The following KIFC3 variants were observed in gnomAD, a reference collection of about 807,000 sequenced individuals.
The protein encoded by KIFC3 is kinesin-like protein KIFC3.
Under a neutral mutation model 101.8 loss-of-function variants are expected in KIFC3, and 60 were observed. That is an observed-to-expected ratio of 0.59 (90% confidence interval 0.48 to 0.73). The LOEUF is 0.73. Among genes scored for constraint, KIFC3 ranks in the 30% least tolerant of loss-of-function variants. The pLI is 0.00. For synonymous variants in KIFC3, 476 were observed against 482.7 expected (o/e 0.99, Z 0.18); for missense variants, 966 against 1,137.1 (o/e 0.85, Z 2.16).
chr16:57,797,592 C>A, intron 2 of KIFC3: 2 of 671,290 alleles, frequency 3.0e-6, no homozygotes, highest in Non-Finnish European at 3.8e-6. Context: ...CCCCAAGCCC[C>A]GCCAGGCCAC....
intron 18 of KIFC3, 53 bp from the exon 19 acceptor site, chr16:57,759,206 C>A: frequency 5.2e-6 from 8 of 1,543,914 alleles, no homozygotes; most frequent in Non-Finnish European, 7.0e-6. Flanking sequence ...GGGCCAGTAC[C>A]CCACAAGACC....
At chr16:57,765,364 CTT>C in intron 11 of KIFC3, 93 bp downstream of exon 11, 1 of 1,287,366 alleles carries the variant, frequency 7.8e-7, no homozygotes, top group South Asian at 1.5e-5. Flanking sequence ...ACCCCCCACT[CTT>C]AACGCTTCTT....
chr16:57,833,559 A>G (rs2055627182), intron 1 of KIFC3, among the ~76,000 whole-genome samples: 1 of 152,118 alleles, frequency 6.6e-6, no homozygotes, highest in Admixed American at 6.6e-5. Flanking sequence ...TGTCCCAAGC[A>G]CACTCTTCCT....
In KIFC3 at chr16:57,814,359, G is replaced by A. The variant is rs2055167555; in HGVS notation, c.109-16077C>T. On this transcript the variant is annotated intron_variant, in intron 1 of 2. Transcript: ENST00000563028. The stretch of plus-strand genomic sequence containing the variant: ...ACCTAGCACTGGATTCACAACTGTG[G>A]GGGACTGTTAGTCTCCTACATTAGA... Among the ~76,000 whole-genome samples the A allele has an allele frequency of 2.0e-5, 3 of 152,242 alleles. No homozygotes were observed. The South Asian group carries it at 6.2e-4, about 32-fold the overall frequency.
intron 1 of KIFC3, among the ~76,000 whole-genome samples, chr16:57,831,127 T>C (rs2055572413): frequency 6.6e-6 from 1 of 152,188 alleles, no homozygotes; most frequent in South Asian, 2.1e-4. Flanking sequence ...AAGGTCTAAG[T>C]AATAAGCAGA....
chr16:57,848,196 A>G (rs1254302349), intron 1 of KIFC3, among the ~76,000 whole-genome samples: 2 of 152,188 alleles, frequency 1.3e-5, no homozygotes, highest in Non-Finnish European at 2.9e-5. Context: ...TGAAGTTGCC[A>G]TACATTTTGG....
At chr16:57,762,742 G>A (rs1488177436) in intron 12 of KIFC3, among the ~76,000 whole-genome samples, 1 of 152,180 alleles carries the variant, frequency 6.6e-6, no homozygotes, top group Non-Finnish European at 1.5e-5. Context: ...GGCCTTTCTA[G>A]AAGGAAACCT....
upstream of KIFC3, chr16:57,802,798 G>T (rs1188221449): frequency 2.6e-6 from 2 of 773,726 alleles, no homozygotes; most frequent in Admixed American, 2.1e-5. This position sits in a 1 kb window ranked among gnomAD's most constrained non-coding sequence, Gnocchi z 5.0. Context: ...CACACACGAG[G>T]CAGCCCACAC....
chr16:57,856,593 A>C (rs1228989009), intron 1 of KIFC3, among the ~76,000 whole-genome samples: 2 of 152,122 alleles, frequency 1.3e-5, no homozygotes, highest in African/African-American at 4.8e-5. Context: ...AGAATAGAGA[A>C]AAACCAATAA....
rs76853682 is a variant in KIFC3, at chr16:57,813,484, G to A, written c.109-15202C>T. On this transcript the variant is annotated intron_variant, in intron 1 of 2. Coordinates refer to the KIFC3 transcript ENST00000563028. ...CCCCACGCTACTCCACCCCCTCCAC[G>A]CCTCCCTGTCCTATGCTCTTCATGC... Among the ~76,000 whole-genome samples, 303 of 151,824 alleles carry A rather than the reference G, an allele frequency of 2.0e-3. 6 individuals carry two copies. The East Asian group carries it at 0.029, about 15-fold the overall frequency.
chr16:57,770,243 G>C (rs1434035439), intron 7 of KIFC3, among the ~76,000 whole-genome samples: 1 of 152,278 alleles, frequency 6.6e-6, no homozygotes, highest in Non-Finnish European at 1.5e-5. Context: ...CAAGTGCCAT[G>C]TAGAGCTTAC....
rs1178183549 is a variant in KIFC3 at position 57,862,684 on chromosome 16, C to T, written c.108+45G>A. On this transcript the variant is annotated intron_variant, in intron 1 of 2. Transcript: ENST00000563028. ...GCTTCTGAAATTTCTCTCCAACAGG[C>T]CTCCTCCTCCCATTCCCACTGCCCC... The T allele has an allele frequency of 1.5e-5, 11 of 721,230 alleles. No individual in the cohort carries two copies. The Admixed American group carries it at 1.7e-4, about 11-fold the overall frequency. The allele number at this position is 721,230 out of a possible 1,614,324, so 44.7% of individuals were successfully genotyped here.
chr16:57,766,948 T>C lies in KIFC3; in HGVS notation c.1256A>G (p.Gln419Arg), dbSNP rs1555603533. ...GCGGCGGTACTTGCGCAGCAGCTCC[T>C]GGTTGTTGCTGTTGACCTCCTCGAT... ...QAIEEVNSNN[Q>R]ELLRKYRREL... is the part of the protein sequence containing the mutation. Residue 419 changes from glutamine (Q) to arginine (R), a missense_variant, in exon 10 of 20, where the codon CAG becomes CGG. Physicochemically the swap from Gln to Arg is conservative, Grantham distance 43 (BLOSUM62 1). Coordinates refer to ENST00000445690, the MANE Select transcript of KIFC3 (RefSeq NM_001130100.2). 1 of 1,613,344 alleles carries C rather than the reference T, an allele frequency of 6.2e-7. No homozygotes were observed. The highest frequency in any genetic ancestry group is 2.2e-5 in the East Asian group (1 of 44,878).
chr16:57,843,823 C>T (rs1481211591), intron 1 of KIFC3, among the ~76,000 whole-genome samples: 1 of 152,122 alleles, frequency 6.6e-6, no homozygotes, highest in Admixed American at 6.5e-5. Flanking sequence ...TGTTTCTTTC[C>T]TTGGCCGGGC....
rs1597847344 is a variant in KIFC3, at chr16:57,759,137, C to T, written c.*12G>A. Reference sequence around the variant, plus strand: ...GCCCCACACTCACCTAGAGACTCTGCAGCCCCAGCCGTCAGGCTGAAATCA... The same window carrying T: ...GCCCCACACTCACCTAGAGACTCTGTAGCCCCAGCCGTCAGGCTGAAATCA... On this transcript the variant is annotated 3_prime_UTR_variant, in exon 19 of 20. Coordinates refer to ENST00000445690, the MANE Select transcript of KIFC3 (RefSeq NM_001130100.2). The T allele has an allele frequency of 6.4e-7, 1 of 1,550,802 alleles. No individual in the cohort carries two copies. Among genetic ancestry groups the T allele is most frequent in the East Asian group, 2.4e-5 (1 of 40,924 alleles).
intron 1 of KIFC3, among the ~76,000 whole-genome samples, chr16:57,800,434 CTGGCACAG>C (rs1398747454): frequency 4.6e-5 from 7 of 152,314 alleles, no homozygotes; most frequent in Middle Eastern, 3.4e-3. Flanking sequence ...TCCAGGCTGC[CTGGCACAG>C]AGCTGGGCAC....
chr16:57,785,604 T>C (rs1455634837), intron 3 of KIFC3: 7 of 1,281,516 alleles, frequency 5.5e-6, no homozygotes, highest in Non-Finnish European at 6.1e-6. Context: ...CTAAGCACCA[T>C]GGGGGCCGCA....
intron 3 of KIFC3, among the ~76,000 whole-genome samples, chr16:57,785,878 G>A (rs1555617519): frequency 6.6e-6 from 1 of 152,054 alleles, no homozygotes; most frequent in Admixed American, 6.6e-5. Context: ...GCAGCATCTG[G>A]GGGATGAAAT....
chr16:57,862,193 C>CTTTT lies in KIFC3; in HGVS notation c.108+532_108+535dup, dbSNP rs55718589. ...TACAGGTGCTTACCACTACATCTGG[C>CTTTT]TTTTTTTTTTTTTTTTTTAGTACAG... On this transcript the variant is annotated intron_variant, in intron 1 of 2. Transcript: ENST00000563028. Among the ~76,000 whole-genome samples, 214 of 128,378 alleles carry CTTTT rather than the reference C, an allele frequency of 1.7e-3. 2 individuals carry two copies. In the South Asian group the frequency reaches 0.019, roughly 12 times the overall value. The allele number at this position is 128,378 out of a possible 152,430, so 84.2% of individuals were successfully genotyped here. A position where few individuals can be genotyped will look rare whatever the true frequency, so the allele number is the denominator to read the frequency against.
Sources: allele counts gnomAD v4.1 joint callset (sites outside exome capture counted in the v4.1 genomes callset), GRCh38; gene constraint gnomAD v4.1.1; non-coding constraint Gnocchi (gnomAD v3.1); transcripts MANE v1.5; gene names NCBI Gene and HGNC (gene_info 2026-07-23, HGNC 2026-07-21).